The following RCOR1 variants were observed in gnomAD, a reference collection of about 807,000 sequenced individuals.
The protein encoded by RCOR1 is REST corepressor.
Under a neutral mutation model 64.0 loss-of-function variants are expected in RCOR1, and 12 were observed. The observed-to-expected ratio is 0.19, with a 90% CI of 0.12 to 0.30. The LOEUF (loss-of-function observed/expected upper bound fraction) is 0.30, where lower values mean the gene tolerates loss of function less well. Among genes scored for constraint, RCOR1 ranks in the 10% least tolerant of loss-of-function variants. RCOR1 has a pLI of 1.00. For synonymous variants in RCOR1, 279 were observed against 227.2 expected (o/e 1.23, Z -2.05); for missense variants, 502 against 621.2 (o/e 0.81, Z 2.04).
At chr14:102,641,126 G>T (rs774589517) in intron 2 of RCOR1, among the ~76,000 whole-genome samples, 6 of 151,864 alleles carry the variant, frequency 4.0e-5, no homozygotes, top group Admixed American at 2.0e-4. Context: ...TTGGTGGCGC[G>T]TGCCTGTGGT....
At chr14:102,674,251 G>C (rs899872138) in intron 2 of RCOR1, among the ~76,000 whole-genome samples, 1 of 152,128 alleles carries the variant, frequency 6.6e-6, no homozygotes, top group Non-Finnish European at 1.5e-5. Flanking sequence ...AGAGATTATA[G>C]ATGTTAACCA....
intron 2 of RCOR1, among the ~76,000 whole-genome samples, chr14:102,642,728 C>T (rs1459681959): frequency 6.6e-6 from 1 of 151,952 alleles, no homozygotes; most frequent in South Asian, 2.1e-4. Context: ...CCCAGGTACT[C>T]GGGATGCTGA....
chr14:102,644,204 TCTGA>T (rs1295569443), intron 2 of RCOR1, among the ~76,000 whole-genome samples: 1 of 152,234 alleles, frequency 6.6e-6, no homozygotes, highest in Non-Finnish European at 1.5e-5. Flanking sequence ...CATTATGGCC[TCTGA>T]CTGCTTACAA....
At chr14:102,709,074 C>T (rs1278726940) in intron 6 of RCOR1, among the ~76,000 whole-genome samples, 1 of 152,168 alleles carries the variant, frequency 6.6e-6, no homozygotes, top group African/African-American at 2.4e-5. Context: ...GAGAATACTT[C>T]TTAACCATCA....
intron 3 of RCOR1, among the ~76,000 whole-genome samples, chr14:102,685,925 T>C (rs1567435626): frequency 6.6e-6 from 1 of 150,396 alleles, no homozygotes; most frequent in Non-Finnish European, 1.5e-5. Flanking sequence ...TCCCCTCTAT[T>C]AAAAAAAAAC....
At chr14:102,662,676 G>T (rs1894848259) in intron 2 of RCOR1, 2 of 443,284 alleles carry the variant, frequency 4.5e-6, no homozygotes, top group Non-Finnish European at 8.6e-6. Flanking sequence ...CTTGAGGAGG[G>T]GCAGGAGCTT....
intron 3 of RCOR1, among the ~76,000 whole-genome samples, chr14:102,700,729 C>T (rs536041357): frequency 4.2e-4 from 64 of 152,308 alleles, no homozygotes; most frequent in South Asian, 2.9e-3. Flanking sequence ...TGAGAATATT[C>T]ATTCAGACGT....
intron 8 of RCOR1, among the ~76,000 whole-genome samples, chr14:102,716,874 G>A (rs960031034): frequency 9.9e-5 from 15 of 152,116 alleles, no homozygotes; most frequent in Non-Finnish European, 2.1e-4. Flanking sequence ...TTCTATTAGA[G>A]TTTTGATTGG....
intron 2 of RCOR1, among the ~76,000 whole-genome samples, chr14:102,634,060 CAT>C (rs1894182147): frequency 6.6e-6 from 1 of 152,040 alleles, no homozygotes; most frequent in African/African-American, 2.4e-5. Flanking sequence ...TTTCCTGAAA[CAT>C]GTTACTCTTG....
intron 8 of RCOR1, among the ~76,000 whole-genome samples, chr14:102,715,637 C>T (rs1896055360): frequency 6.6e-6 from 1 of 152,144 alleles, no homozygotes; most frequent in South Asian, 2.1e-4. Context: ...CCCGCCTCAG[C>T]CTCCCAAAGT....
intron 4 of RCOR1, among the ~76,000 whole-genome samples, chr14:102,705,754 C>G (rs1180622593): frequency 6.6e-6 from 1 of 152,116 alleles, no homozygotes; most frequent in East Asian, 1.9e-4. Context: ...CCACAACACC[C>G]AGCCTCAGAA....
chr14:102,622,127 C>G (rs1893887251), intron 2 of RCOR1, among the ~76,000 whole-genome samples: 1 of 152,184 alleles, frequency 6.6e-6, no homozygotes, highest in Non-Finnish European at 1.5e-5. Context: ...GGGACTTGGG[C>G]AGGTAGAAAC....
intron 8 of RCOR1, among the ~76,000 whole-genome samples, chr14:102,720,211 TC>T (rs1452911460): frequency 6.6e-6 from 1 of 152,186 alleles, no homozygotes; most frequent in Non-Finnish European, 1.5e-5. Flanking sequence ...AGTTCAGAGT[TC>T]CCTGGTGCTT....
At chr14:102,657,271 T>C (rs1267055877) in intron 2 of RCOR1, 6 of 985,268 alleles carry the variant, frequency 6.1e-6, no homozygotes, top group Non-Finnish European at 7.2e-6. Flanking sequence ...CCCACCTGTA[T>C]GTATGCTTTT....
At chr14:102,596,348 C>CCACCT (rs1188964659) in intron 2 of RCOR1, among the ~76,000 whole-genome samples, 28 of 152,088 alleles carry the variant, frequency 1.8e-4, no homozygotes, top group Admixed American at 1.6e-3. Context: ...GGTGATCCAC[C>CCACCT]CACCTCAGCC....
intron 4 of RCOR1, 23 bp downstream of exon 4, chr14:102,701,353 T>C: frequency 6.5e-7 from 1 of 1,543,894 alleles, no homozygotes; most frequent in South Asian, 1.2e-5. Context: ...TTTTCTTTCT[T>C]TTGCTGTTAA....
At position 102,648,877 on chromosome 14, in the gene RCOR1, C is replaced by A. The variant is rs116076612; in HGVS notation, c.362-33018C>A. On this transcript the variant is annotated intron_variant, in intron 2 of 11. Transcript: ENST00000262241. ...GTGAAGGGAATTCTTAAAGAGAAAT[C>A]TTGGGATAATAGCTGTGTAGGCATT... 4.1e-3 allele frequency among the ~76,000 whole-genome samples: 625 copies of A among 152,212 alleles called. 5 individuals are homozygous for A. The highest frequency in any genetic ancestry group is 0.014 in the African/African-American group (585 of 41,512).
rs1337035069 is a variant in RCOR1, at chr14:102,651,604, GAGA to G, written c.362-30285_362-30283del. 2.6e-5 allele frequency among the ~76,000 whole-genome samples: 4 copies of G among 151,876 alleles called. No homozygotes were observed. The South Asian group carries it at 6.2e-4, about 24-fold the overall frequency. On this transcript the variant is annotated intron_variant, in intron 2 of 11. Coordinates refer to ENST00000262241, the MANE Select transcript of RCOR1 (RefSeq NM_015156.4). Reference sequence around the variant, plus strand: ...AATTTGAAAATAGCTTGAGAGACTAGAGAAGAAGTGAACTGATTTATTTTATAT... The same window carrying G: ...AATTTGAAAATAGCTTGAGAGACTAGAGAAGTGAACTGATTTATTTTATAT...
Position 102,593,319 on chromosome 14 carries a change from G to C in RCOR1, c.355G>C (p.Asp119His). ...PQYQAVVPDFDPAKLARRSQE... is the reference protein window; with the variant it reads ...PQYQAVVPDFHPAKLARRSQE... ...GTACCAGGCGGTGGTGCCCGACTTCGACCCCGGTGAGTAGCGGCCCCGGCC... is the reference window on the plus strand; with the variant it reads ...GTACCAGGCGGTGGTGCCCGACTTCCACCCCGGTGAGTAGCGGCCCCGGCC... The change falls in exon 2 of 12, where the codon GAC becomes CAC. Residue 119 changes from aspartate to histidine, a missense_variant. Physicochemically the swap from Asp to His is moderately conservative, Grantham distance 81. This residue lies in a region of RCOR1 where 242 missense variants were observed against 204.9 expected (regional missense o/e 1.18). Coordinates refer to ENST00000262241, the MANE Select transcript of RCOR1 (RefSeq NM_015156.4). 1 of 1,545,418 alleles carries C rather than the reference G, an allele frequency of 6.5e-7. No homozygotes were observed. The highest frequency in any genetic ancestry group is 8.7e-7 in the Non-Finnish European group (1 of 1,152,908).
Sources: gnomAD v4.1 joint callset for allele counts (sites outside exome capture counted in the v4.1 genomes callset) on GRCh38, gnomAD v4.1.1 for gene constraint, gnomAD v4.1.1 regional missense constraint, MANE v1.5 for transcripts, NCBI Gene and HGNC (gene_info 2026-07-23, HGNC 2026-07-21) for gene names.